CHN2: variants seen among roughly 807,000 people sequenced by gnomAD.
CHN2 encodes chimerin 2.
In CHN2, 35 loss-of-function variants were observed where a neutral mutation model predicts 56.3. The ratio of observed to expected loss-of-function variants is 0.62; its 90% CI spans 0.47 to 0.82. The LOEUF is 0.82. Among genes scored for constraint, CHN2 ranks in the 40% least tolerant of loss-of-function variants. The pLI is 0.00. For missense variants in CHN2, 491 were observed against 580.5 expected (o/e 0.85, Z 1.58); for synonymous variants, 210 against 212.8 (o/e 0.99, Z 0.12).
intron 1 of CHN2, among the ~76,000 whole-genome samples, chr7:29,268,144 A>T (rs931630600): frequency 2.6e-5 from 4 of 152,188 alleles, no homozygotes; most frequent in Non-Finnish European, 5.9e-5. Flanking sequence ...GTGTGGGAAC[A>T]AATTATCCAT....
chr7:29,422,936 T>C (rs1344005354), intron 6 of CHN2, among the ~76,000 whole-genome samples: 2 of 152,194 alleles, frequency 1.3e-5, no homozygotes, highest in African/African-American at 4.8e-5. Context: ...AAAGCTTCCA[T>C]GTTTAGGGGT....
At chr7:29,303,521 A>T (rs541530665) in intron 1 of CHN2, among the ~76,000 whole-genome samples, 2 of 149,974 alleles carry the variant, frequency 1.3e-5, no homozygotes, top group Admixed American at 6.6e-5. Context: ...GTTATTATTC[A>T]CTCCTCTCAG....
rs547700549 is a variant in CHN2, at chr7:29,409,726, G to A, written c.576+8898G>A. Among the ~76,000 whole-genome samples the A allele has an allele frequency of 3.9e-5, 6 of 152,324 alleles. No individual in the cohort carries two copies. The East Asian group carries it at 1.2e-3, about 29-fold the overall frequency. Reference sequence around the variant, plus strand: ...GTTAGTTGCAATGTCAATCACAGAAGGCAATTACTGTAATAAAATCAGTTT... The same window carrying A: ...GTTAGTTGCAATGTCAATCACAGAAAGCAATTACTGTAATAAAATCAGTTT... On this transcript the variant is annotated intron_variant, in intron 6 of 12. Coordinates refer to ENST00000222792, the MANE Select transcript of CHN2 (RefSeq NM_004067.4).
At chr7:29,498,202 A>G (rs1789507520) in intron 8 of CHN2, among the ~76,000 whole-genome samples, 2 of 152,228 alleles carry the variant, frequency 1.3e-5, no homozygotes, top group South Asian at 4.1e-4. Context: ...ACATGTATAC[A>G]ATACTTAACT....
chr7:29,437,582 A>C (rs1455468396), intron 6 of CHN2, among the ~76,000 whole-genome samples: 1 of 82,284 alleles, frequency 1.2e-5, no homozygotes, highest in Admixed American at 1.1e-4. Flanking sequence ...TGGGCGACAG[A>C]GCGAGACTCC....
chr7:29,253,007 G>C (rs1296050196), intron 1 of CHN2, among the ~76,000 whole-genome samples: 1 of 152,198 alleles, frequency 6.6e-6, no homozygotes, highest in East Asian at 1.9e-4. Flanking sequence ...TCATGGGACA[G>C]TTTCCCATCA....
intron 2 of CHN2, among the ~76,000 whole-genome samples, chr7:29,152,119 C>CT (rs1362820277): frequency 6.6e-6 from 1 of 152,196 alleles, no homozygotes; most frequent in Non-Finnish European, 1.5e-5. Flanking sequence ...ACTCTATAGC[C>CT]TCTGAAGGGT....
chr7:29,210,480 T>G (rs908614265), intron 1 of CHN2, among the ~76,000 whole-genome samples: 4 of 152,072 alleles, frequency 2.6e-5, no homozygotes, highest in Non-Finnish European at 5.9e-5. Flanking sequence ...GTACTTATTA[T>G]TTACCATGTT....
At chr7:29,293,362 G>GCC (rs35565281) in intron 1 of CHN2, among the ~76,000 whole-genome samples, 41 of 53,092 alleles carry the variant, frequency 7.7e-4, no homozygotes, top group East Asian at 4.6e-3. Flanking sequence ...GGCAGCTAAT[G>GCC]CCCCCCCCCC....
intron 1 of CHN2, among the ~76,000 whole-genome samples, chr7:29,293,574 A>G (rs1055263930): frequency 1.3e-5 from 2 of 152,102 alleles, no homozygotes; most frequent in African/African-American, 4.8e-5. Flanking sequence ...ACTCAGCTCC[A>G]GACACACAGG....
chr7:29,306,578 C>T lies in CHN2; in HGVS notation c.50-48047C>T, dbSNP rs191831896. ...GGACCCTGGGTGTTAAAGCCCAAGG[C>T]GATAGAGCACATGCTGAATGAACTG... On this transcript the variant is annotated intron_variant, in intron 1 of 12. Coordinates refer to ENST00000222792, the MANE Select transcript of CHN2 (RefSeq NM_004067.4). Among the ~76,000 whole-genome samples the T allele has an allele frequency of 1.0e-3, 157 of 152,218 alleles. 2 individuals are homozygous for T. Among genetic ancestry groups the T allele is most frequent in the South Asian group, 4.6e-3 (22 of 4,822 alleles).
At chr7:29,348,822 T>G (rs991850696) in intron 1 of CHN2, among the ~76,000 whole-genome samples, 9 of 152,118 alleles carry the variant, frequency 5.9e-5, no homozygotes, top group African/African-American at 2.2e-4. Flanking sequence ...ATATAAGCAA[T>G]ATATACAGAA....
chr7:29,437,510 A>C (rs1353981937), intron 6 of CHN2, among the ~76,000 whole-genome samples: 1 of 132,010 alleles, frequency 7.6e-6, no homozygotes, highest in Admixed American at 7.3e-5. Context: ...AGGCAGGAGA[A>C]TGGCATGAAC....
At chr7:29,423,724 T>C (rs1012735986) in intron 6 of CHN2, among the ~76,000 whole-genome samples, 3 of 152,244 alleles carry the variant, frequency 2.0e-5, no homozygotes, top group African/African-American at 7.2e-5. Flanking sequence ...TAGAGTAAAT[T>C]CAGCCAGTTC....
intron 7 of CHN2, among the ~76,000 whole-genome samples, chr7:29,486,039 C>A (rs1186807774): frequency 6.6e-6 from 1 of 152,138 alleles, no homozygotes; most frequent in Non-Finnish European, 1.5e-5. Context: ...TCCTGCCCAG[C>A]CTGTACCAGC....
intron 6 of CHN2, among the ~76,000 whole-genome samples, chr7:29,471,205 ATGT>A (rs1316646886): frequency 2.0e-5 from 3 of 152,272 alleles, no homozygotes; most frequent in Admixed American, 6.5e-5. Context: ...ATGGTAAAAC[ATGT>A]TGTTGTTAAT....
intron 1 of CHN2, among the ~76,000 whole-genome samples, chr7:29,293,973 T>C (rs1792906832): frequency 6.7e-6 from 1 of 150,100 alleles, no homozygotes; most frequent in South Asian, 2.1e-4. Flanking sequence ...TTCACGCCAT[T>C]CTCCTGCCTC....
intron 1 of CHN2, among the ~76,000 whole-genome samples, chr7:29,249,571 A>C (rs963146301): frequency 6.6e-6 from 1 of 152,188 alleles, no homozygotes; most frequent in Non-Finnish European, 1.5e-5. Context: ...TTAACCAGGC[A>C]AGTTGACACC....
intron 2 of CHN2, among the ~76,000 whole-genome samples, chr7:29,168,815 T>G (rs1051674026): frequency 6.6e-6 from 1 of 152,380 alleles, no homozygotes; most frequent in East Asian, 1.9e-4. Flanking sequence ...TGTTTAGACA[T>G]GTACTACTAA....
Sources: gnomAD v4.1 joint callset for allele counts (sites outside exome capture counted in the v4.1 genomes callset) on GRCh38, gnomAD v4.1.1 for gene constraint, MANE v1.5 for transcripts, NCBI Gene and HGNC (gene_info 2026-07-23, HGNC 2026-07-21) for gene names.